KANK4: variants seen among roughly 807,000 people sequenced by gnomAD.
The protein encoded by KANK4 is KN motif and ankyrin repeat domain-containing protein 4.
A neutral mutation model predicts 80.8 loss-of-function variants in KANK4; 50 were observed. That is an observed-to-expected ratio of 0.62 (90% CI 0.49 to 0.78). The LOEUF is 0.78. Among genes scored for constraint, KANK4 ranks in the 30% least tolerant of loss-of-function variants. The pLI, the probability that KANK4 is intolerant of heterozygous loss-of-function variation, is 0.00. For missense variants in KANK4, 1,196 were observed against 1,240.1 expected (o/e 0.96, Z 0.53); for synonymous variants, 465 against 506.9 (o/e 0.92, Z 1.11).
chr1:62,259,853 CA>C (rs1293590681), intron 7 of KANK4, among the ~76,000 whole-genome samples: 2 of 151,802 alleles, frequency 1.3e-5, no homozygotes, highest in Non-Finnish European at 2.9e-5. Context: ...CAGAAGGCCA[CA>C]TCTGTGGGGA....
intron 9 of KANK4, among the ~76,000 whole-genome samples, chr1:62,240,002 T>C (rs1671300537): frequency 6.6e-6 from 1 of 152,218 alleles, no homozygotes; most frequent in Non-Finnish European, 1.5e-5. Flanking sequence ...TATAGCAGCA[T>C]GATTTATAGT....
At chr1:62,308,587 TCAAAAGCC>T (rs1405917211) in intron 1 of KANK4, among the ~76,000 whole-genome samples, 2 of 151,994 alleles carry the variant, frequency 1.3e-5, no homozygotes, top group Non-Finnish European at 2.9e-5. Context: ...GCTGACATTC[TCAAAAGCC>T]CAGCCACCCT....
chr1:62,287,321 C>T (rs1414404496), intron 1 of KANK4, among the ~76,000 whole-genome samples: 2 of 152,184 alleles, frequency 1.3e-5, no homozygotes, highest in Non-Finnish European at 2.9e-5. Context: ...CTTGTTCCTT[C>T]GCCTCCTGGT....
chr1:62,304,979 C>T (rs1038267584), intron 1 of KANK4, among the ~76,000 whole-genome samples: 2 of 151,150 alleles, frequency 1.3e-5, no homozygotes, highest in Admixed American at 6.6e-5. Context: ...TTGCTAAAGA[C>T]GAAGTGATAT....
At chr1:62,279,235 C>T (rs1672397944) in intron 2 of KANK4, among the ~76,000 whole-genome samples, 1 of 135,832 alleles carries the variant, frequency 7.4e-6, no homozygotes, top group Non-Finnish European at 1.6e-5. Flanking sequence ...CACACACACA[C>T]ACACACAGAG....
chr1:62,271,692 G>A lies in KANK4; in HGVS notation c.1901-103C>T, dbSNP rs1224648584. ...AGGGGACAAGGGTTGCAGGTGTGTG[G>A]AGAGGTAAGGAGGGACAGGGAACCA... On this transcript the variant is annotated intron_variant, in intron 3 of 9. Transcript: ENST00000371153. 4 of 807,068 alleles carry A rather than the reference G, an allele frequency of 5.0e-6. No homozygotes were observed. In the East Asian group the frequency reaches 1.0e-4, roughly 20 times the overall value. The allele number at this position is 807,068 out of a possible 1,614,324, so 50.0% of individuals were successfully genotyped here. A position where few individuals can be genotyped will look rare whatever the true frequency, so the allele number is the denominator to read the frequency against.
chr1:62,248,088 T>C (rs1671515680), intron 8 of KANK4, among the ~76,000 whole-genome samples: 1 of 152,166 alleles, frequency 6.6e-6, no homozygotes, highest in Non-Finnish European at 1.5e-5. Context: ...CATCATGGCT[T>C]CTTACTGCCT....
chr1:62,306,867 T>C (rs17123437), intron 1 of KANK4, among the ~76,000 whole-genome samples: 9,196 of 152,264 alleles, frequency 0.06, 797 homozygotes, highest in African/African-American at 0.2. Flanking sequence ...CTAAAAATTC[T>C]CTTTGTATTA....
chr1:62,254,391 G>A (rs1038206773), intron 7 of KANK4, among the ~76,000 whole-genome samples: 2 of 150,166 alleles, frequency 1.3e-5, no homozygotes, highest in East Asian at 2.0e-4. Context: ...GTAGGTGCCC[G>A]CCACCATGCC....
chr1:62,270,485 A>T (rs1672134586), intron 4 of KANK4, among the ~76,000 whole-genome samples: 1 of 151,718 alleles, frequency 6.6e-6, no homozygotes, highest in African/African-American at 2.4e-5. Flanking sequence ...CCTGGATTCA[A>T]GCGATTCTCC....
In KANK4 at chr1:62,262,354, CA is replaced by C. The variant is rs377726253; in HGVS notation, c.2539+737del. ...GAAGAACAAATGAGGCAAACACAGG[CA>C]AAGTGGTCTAGTCCAGTTCCTGGAA... is the stretch of plus-strand genomic sequence containing the variant. On this transcript the variant is annotated intron_variant, in intron 7 of 9. Transcript: ENST00000371153. Among the ~76,000 whole-genome samples, 43 of 152,288 alleles carry C rather than the reference CA, an allele frequency of 2.8e-4. No homozygotes were observed. In the East Asian group the frequency reaches 8.3e-3, roughly 29 times the overall value.
chr1:62,243,284 T>C (rs1306083257), intron 9 of KANK4, among the ~76,000 whole-genome samples: 1 of 152,100 alleles, frequency 6.6e-6, no homozygotes, highest in Non-Finnish European at 1.5e-5. Context: ...TGGATTTCAG[T>C]GTTTGCCTAA....
intron 5 of KANK4, 66 bp downstream of exon 5, chr1:62,268,221 G>C (rs1471276303): frequency 1.6e-6 from 2 of 1,228,012 alleles, no homozygotes; most frequent in Non-Finnish European, 2.4e-6. Flanking sequence ...TCGCATGAAC[G>C]GGTAGATATA....
intron 1 of KANK4, among the ~76,000 whole-genome samples, chr1:62,313,295 CTACTG>C (rs943403280): frequency 2.4e-4 from 36 of 152,326 alleles, no homozygotes; most frequent in African/African-American, 8.4e-4. Flanking sequence ...AAAGGAGGTA[CTACTG>C]TACTGCATTT....
intron 1 of KANK4, among the ~76,000 whole-genome samples, chr1:62,315,685 G>A (rs543077767): frequency 1.3e-5 from 2 of 152,316 alleles, no homozygotes; most frequent in African/African-American, 4.8e-5. Flanking sequence ...TATAGGTGGA[G>A]GCTGCAGTGA....
chr1:62,250,164 T>C (rs896477501), intron 8 of KANK4, among the ~76,000 whole-genome samples: 1 of 151,600 alleles, frequency 6.6e-6, no homozygotes, highest in African/African-American at 2.4e-5. Flanking sequence ...TTTTTTGTAT[T>C]TTTAGTAGAG....
At chr1:62,301,783 T>G (rs1312305611) in intron 1 of KANK4, among the ~76,000 whole-genome samples, 2 of 152,050 alleles carry the variant, frequency 1.3e-5, no homozygotes, top group Non-Finnish European at 2.9e-5. Flanking sequence ...CAGTGGGGAT[T>G]GAAAGGTCAC....
chr1:62,284,925 A>G (rs779594620), intron 1 of KANK4, among the ~76,000 whole-genome samples: 3 of 152,184 alleles, frequency 2.0e-5, no homozygotes, highest in Non-Finnish European at 4.4e-5. Context: ...CACTCAGTCC[A>G]TGGTTCTTAG....
At position 62,273,994 on chromosome 1, in the gene KANK4, G is replaced by A. The variant is rs749078254; in HGVS notation, c.1110C>T (p.Leu370=). The A allele has an allele frequency of 1.2e-6, 2 of 1,614,158 alleles. No homozygotes were observed. Among genetic ancestry groups the A allele is most frequent in the Non-Finnish European group, 1.7e-6 (2 of 1,180,040 alleles). ...CTTTGATTTCCTCTTCCTGCTGCTG[G>A]AGAGCAGTTCTGACCTGTGCCAGTT... is the stretch of plus-strand genomic sequence containing the variant. ...TEELAQVRTA[L]QQQEEEIKAR... Residue 370 remains leucine (L), a synonymous_variant, in exon 3 of 10, where the codon CTC becomes CTT. Transcript: ENST00000371153.
Sources: gnomAD v4.1 joint callset for allele counts (sites outside exome capture counted in the v4.1 genomes callset) on GRCh38, gnomAD v4.1.1 for gene constraint, MANE v1.5 for transcripts, NCBI Gene and HGNC (gene_info 2026-07-23, HGNC 2026-07-21) for gene names.